Variants in CRIM1 observed in about 807,000 individuals in gnomAD.
CRIM1 encodes cysteine-rich motor neuron 1 protein.
CRIM1 carries 32 observed loss-of-function variants against 116.4 expected under a neutral mutation model. That is an observed-to-expected ratio of 0.27 (90% CI 0.21 to 0.37). The LOEUF is 0.37. Ranked by LOEUF, CRIM1 falls within the 10% of genes least tolerant of loss-of-function variation. CRIM1 has a pLI of 1.00. For synonymous variants in CRIM1, 590 were observed against 509.2 expected, an observed-to-expected ratio of 1.16 and a Z score of -2.13; for missense variants, 1,331 against 1,354.8, an observed-to-expected ratio of 0.98 and a Z score of 0.28.
chr2:36,473,150 G>C (rs1678670379), intron 5 of CRIM1, among the ~76,000 whole-genome samples: 1 of 152,160 alleles, frequency 6.6e-6, no homozygotes, highest in African/African-American at 2.4e-5. Context: ...TAAATATAAA[G>C]TAATTGTCCT....
intron 1 of CRIM1, among the ~76,000 whole-genome samples, chr2:36,360,871 C>G (rs1669181370): frequency 6.6e-6 from 1 of 152,054 alleles, no homozygotes; most frequent in African/African-American, 2.4e-5. Context: ...AAGCTCTTGG[C>G]TTTGTTTTGG....
chr2:36,358,600 C>G (rs571704692), intron 1 of CRIM1, among the ~76,000 whole-genome samples: 1 of 152,148 alleles, frequency 6.6e-6, no homozygotes, highest in East Asian at 1.9e-4. Flanking sequence ...TGATGTGATC[C>G]CTCATAGCTT....
intron 1 of CRIM1, among the ~76,000 whole-genome samples, chr2:36,361,834 G>A (rs1418417234): frequency 3.9e-5 from 6 of 152,148 alleles, no homozygotes; most frequent in Non-Finnish European, 8.8e-5. Flanking sequence ...TTTGGTATCA[G>A]GATTTTGGAG....
At chr2:36,361,031 C>G (rs1203509254) in intron 1 of CRIM1, among the ~76,000 whole-genome samples, 3 of 152,086 alleles carry the variant, frequency 2.0e-5, no homozygotes, top group African/African-American at 7.2e-5. Context: ...TAATTAGTTC[C>G]TCCCAAAAGT....
chr2:36,459,623 C>G (rs1387753254), intron 4 of CRIM1, among the ~76,000 whole-genome samples: 1 of 152,042 alleles, frequency 6.6e-6, no homozygotes, highest in East Asian at 1.9e-4. Flanking sequence ...GAAAATTAAT[C>G]CTGTTTGTTT....
chr2:36,528,642 A>G (rs758968333), intron 13 of CRIM1, among the ~76,000 whole-genome samples: 13 of 152,186 alleles, frequency 8.5e-5, no homozygotes, highest in Non-Finnish European at 1.5e-4. Context: ...CAGTGCTGTC[A>G]GTTACTGTGG....
rs1043673260 is a variant in CRIM1 at position 36,441,630 on chromosome 2, A to G, written c.748+130A>G. The stretch of plus-strand genomic sequence containing the variant: ...CTCACCGGTGTCCTGTGAATCTGCC[A>G]CTTTGGGCTAATGGCAGCTTGACTT... On this transcript the variant is annotated intron_variant, in intron 3 of 16. Transcript: ENST00000280527. 6 of 1,197,514 alleles carry G rather than the reference A, an allele frequency of 5.0e-6. No individual in the cohort carries two copies. In the African/African-American group the frequency reaches 6.1e-5, roughly 12 times the overall value. The allele number at this position is 1,197,514 out of a possible 1,614,324, so 74.2% of individuals were successfully genotyped here.
chr2:36,447,973 A>G (rs912277716), intron 4 of CRIM1, among the ~76,000 whole-genome samples: 1 of 152,022 alleles, frequency 6.6e-6, no homozygotes, highest in Non-Finnish European at 1.5e-5. Context: ...TTCTTTCTTC[A>G]CTTGCCATTT....
Position 36,396,629 on chromosome 2 carries a change from A to C in CRIM1, c.347A>C (p.Asp116Ala). The C allele has an allele frequency of 1.2e-6, 2 of 1,604,990 alleles. No homozygotes were observed. The highest frequency in any genetic ancestry group is 1.7e-6 in the Non-Finnish European group (2 of 1,172,746). The stretch of plus-strand genomic sequence containing the variant: ...TGTTTTACAGATGAGAACTGGACTG[A>C]TGACCAACTGCTTGGTTTTAAACCA... ...AGVCEDENWT[D>A]DQLLGFKPCN... The change falls in exon 2 of 17, where the codon GAT becomes GCT. Residue 116 changes from aspartate (D) to alanine (A), a missense_variant. Transcript: ENST00000280527.
intron 13 of CRIM1, among the ~76,000 whole-genome samples, chr2:36,527,327 A>G (rs1252523212): frequency 2.6e-5 from 4 of 152,116 alleles, no homozygotes; most frequent in African/African-American, 9.7e-5. Context: ...GAGTTCTATT[A>G]TAGGTAGATG....
At chr2:36,509,929 G>A in intron 8 of CRIM1, 54 bp from the exon 9 acceptor site, 1 of 1,518,686 alleles carries the variant, frequency 6.6e-7, no homozygotes, top group Non-Finnish European at 9.0e-7. Flanking sequence ...CAGCATCGAA[G>A]TGTTCTGCTC....
Position 36,496,131 on chromosome 2 carries a change from T to G in CRIM1, c.1373-3088T>G, listed in dbSNP as rs559922378. On this transcript the variant is annotated intron_variant, in intron 7 of 16. Transcript: ENST00000280527. ...TAGCAGTAAGGACCCAAGACACATG[T>G]GTTACCACCCGGAAAAAAACTTTAA... 1.6e-4 allele frequency among the ~76,000 whole-genome samples: 24 copies of G among 152,322 alleles called. No individual in the cohort carries two copies. The South Asian group carries it at 3.9e-3, about 25-fold the overall frequency.
rs1441146532 is a variant in CRIM1, at chr2:36,457,417, A to G, written c.870-7117A>G. 4.6e-5 allele frequency among the ~76,000 whole-genome samples: 7 copies of G among 152,208 alleles called. No individual in the cohort carries two copies. The East Asian group carries it at 1.2e-3, about 25-fold the overall frequency. On this transcript the variant is annotated intron_variant, in intron 4 of 16. Coordinates refer to ENST00000280527, the MANE Select transcript of CRIM1 (RefSeq NM_016441.3). ...GTCTTCAAAGGGAAAGTGTTGAAGA[A>G]GGTACAGTTTCTGCTCACTGTACAC...
At chr2:36,447,325 A>G (rs571214429) in intron 4 of CRIM1, among the ~76,000 whole-genome samples, 2 of 152,198 alleles carry the variant, frequency 1.3e-5, no homozygotes, top group African/African-American at 4.8e-5. Context: ...CAAGAAATAT[A>G]TCGGGGAATA....
chr2:36,438,123 T>TC (rs1228017366), intron 2 of CRIM1, among the ~76,000 whole-genome samples: 2 of 129,998 alleles, frequency 1.5e-5, no homozygotes, highest in Admixed American at 1.6e-4. Context: ...AGAGCAAGAC[T>TC]CCATCTCAAA....
chr2:36,365,802 C>G (rs1315636991), intron 1 of CRIM1, among the ~76,000 whole-genome samples: 1 of 148,482 alleles, frequency 6.7e-6, no homozygotes, highest in Non-Finnish European at 1.5e-5. Flanking sequence ...GGCATGATCT[C>G]AGCTCACTGC....
intron 1 of CRIM1, among the ~76,000 whole-genome samples, chr2:36,383,437 A>G (rs1670939029): frequency 6.6e-6 from 1 of 152,246 alleles, no homozygotes; most frequent in Non-Finnish European, 1.5e-5. Context: ...AGTAGTGAAT[A>G]AACAAACCTG....
chr2:36,370,692 T>G (rs905801057), intron 1 of CRIM1, among the ~76,000 whole-genome samples: 1 of 152,102 alleles, frequency 6.6e-6, no homozygotes, highest in African/African-American at 2.4e-5. Flanking sequence ...TGATAATATT[T>G]CTTGAGAGAA....
intron 1 of CRIM1, among the ~76,000 whole-genome samples, chr2:36,379,677 G>A (rs1025950080): frequency 4.7e-5 from 7 of 149,078 alleles, no homozygotes; most frequent in African/African-American, 1.7e-4. Flanking sequence ...AGTGTTCTGT[G>A]TTGAATCCTT....
Sources: gnomAD v4.1 joint callset for allele counts (sites outside exome capture counted in the v4.1 genomes callset) on GRCh38, gnomAD v4.1.1 for gene constraint, MANE v1.5 for transcripts, NCBI Gene and HGNC (gene_info 2026-07-23, HGNC 2026-07-21) for gene names.